RABGAP1L: variants seen among roughly 807,000 people sequenced by gnomAD.
RABGAP1L encodes rab GTPase-activating protein 1-like.
Under a neutral mutation model 137.7 loss-of-function variants are expected in RABGAP1L, and 63 were observed. The ratio of observed to expected loss-of-function variants is 0.46; its 90% CI spans 0.37 to 0.56. RABGAP1L has a LOEUF of 0.56. RABGAP1L is among the 20% of genes least tolerant of loss of function. The pLI is 0.00. For missense variants in RABGAP1L, 1,095 were observed against 1,244.0 expected (o/e 0.88, Z 1.80); for synonymous variants, 431 against 433.7 (o/e 0.99, Z 0.08).
At chr1:174,234,418 T>C (rs1670969424) in intron 4 of RABGAP1L, among the ~76,000 whole-genome samples, 2 of 140,542 alleles carry the variant, frequency 1.4e-5, no homozygotes, top group Non-Finnish European at 3.0e-5. Flanking sequence ...TTTAAATCTT[T>C]AATCCATCTT....
At chr1:174,670,928 A>C (rs1045751506) in intron 14 of RABGAP1L, among the ~76,000 whole-genome samples, 2 of 152,158 alleles carry the variant, frequency 1.3e-5, no homozygotes, top group Admixed American at 1.3e-4. Context: ...TTGCTGGATC[A>C]TATGGTAGTT....
Position 174,305,124 on chromosome 1 carries a change from G to C in RABGAP1L, c.1462G>C (p.Glu488Gln), listed in dbSNP as rs1558116744. 4 of 1,530,434 alleles carry C rather than the reference G, an allele frequency of 2.6e-6. No homozygotes were observed. In the South Asian group the frequency reaches 5.3e-5, roughly 20 times the overall value. 94.8% of individuals were successfully genotyped at this position (1,530,434 alleles called of 1,614,324 possible). Residue 488 changes from glutamate (E) to glutamine (Q), a missense_variant, in exon 11 of 26, where the codon GAG becomes CAG. Transcript: ENST00000681986. ...GTCACCCCAGGATGATGAAGCAGAA[G>C]AGGGTAAGAAGTTGGACTTACTCAG... ...PMSPQDDEAE[E>Q]ESDNELSSGT...
At chr1:174,774,821 A>G (rs1190755416) in intron 18 of RABGAP1L, among the ~76,000 whole-genome samples, 1 of 152,168 alleles carries the variant, frequency 6.6e-6, no homozygotes, top group East Asian at 1.9e-4. Context: ...TTGAGGCTGC[A>G]GTGAGCCATG....
intron 20 of RABGAP1L, among the ~76,000 whole-genome samples, chr1:174,961,845 CAAAAAAAAAAAAAA>C (rs61233451): frequency 1.1e-5 from 1 of 88,730 alleles, no homozygotes; most frequent in Non-Finnish European, 2.3e-5. Flanking sequence ...GACTCTGTCT[CAAAAAAAAAAAAAA>C]AAAAAAAAAA....
chr1:174,604,007 T>C (rs1421977048), intron 13 of RABGAP1L, among the ~76,000 whole-genome samples: 2 of 151,796 alleles, frequency 1.3e-5, no homozygotes, highest in Non-Finnish European at 1.5e-5. Context: ...CTGTGCTGCC[T>C]TGTGTTGGCG....
chr1:174,175,422 T>G (rs1370865275), intron 1 of RABGAP1L, among the ~76,000 whole-genome samples: 4 of 152,150 alleles, frequency 2.6e-5, no homozygotes, highest in Non-Finnish European at 4.4e-5. Flanking sequence ...GTTTTCCTCT[T>G]TGTTGTCATA....
chr1:174,616,229 G>T (rs553043665), intron 13 of RABGAP1L, among the ~76,000 whole-genome samples: 1 of 152,080 alleles, frequency 6.6e-6, no homozygotes. Flanking sequence ...GGTGCCCCCC[G>T]TTGGTATGCG....
chr1:174,718,911 C>A (rs1342226506), intron 17 of RABGAP1L, among the ~76,000 whole-genome samples: 1 of 148,266 alleles, frequency 6.7e-6, no homozygotes, highest in African/African-American at 2.5e-5. Flanking sequence ...GCCATCTCGG[C>A]TCACCACAAC....
chr1:174,897,405 C>T (rs981191257), intron 19 of RABGAP1L: 8 of 152,138 alleles, frequency 5.3e-5, no homozygotes, highest in Non-Finnish European at 1.0e-4. Flanking sequence ...GTGTGAAAAT[C>T]GTATGAAATC....
At chr1:174,252,679 A>G (rs1215773502) in intron 7 of RABGAP1L, 89 bp downstream of exon 7, 7 of 1,500,170 alleles carry the variant, frequency 4.7e-6, no homozygotes, top group African/African-American at 1.5e-5. Context: ...TTTTCACTAT[A>G]CTTCATTTTC....
intron 13 of RABGAP1L, among the ~76,000 whole-genome samples, chr1:174,464,561 G>A (rs1200451613): frequency 6.6e-6 from 1 of 151,332 alleles, no homozygotes; most frequent in Non-Finnish European, 1.5e-5. Context: ...CTCTTTTTTT[G>A]TTGTTGTTTT....
intron 13 of RABGAP1L, among the ~76,000 whole-genome samples, chr1:174,599,259 A>T (rs1011979368): frequency 6.6e-6 from 1 of 152,206 alleles, no homozygotes; most frequent in Non-Finnish European, 1.5e-5. Flanking sequence ...CCCACTTTTT[A>T]ACTTCTTGTT....
chr1:174,770,817 C>G (rs1686059558), intron 18 of RABGAP1L, among the ~76,000 whole-genome samples: 1 of 152,084 alleles, frequency 6.6e-6, no homozygotes, highest in South Asian at 2.1e-4. Flanking sequence ...TTTGGAGAAG[C>G]CTGTGATGGT....
chr1:174,273,357 T>C (rs1674712890), intron 8 of RABGAP1L, among the ~76,000 whole-genome samples: 1 of 152,044 alleles, frequency 6.6e-6, no homozygotes, highest in Non-Finnish European at 1.5e-5. Context: ...GATGAGGTTA[T>C]GCATATGAGT....
intron 24 of RABGAP1L, among the ~76,000 whole-genome samples, chr1:174,983,945 A>C (rs1182875027): frequency 6.6e-6 from 1 of 151,498 alleles, no homozygotes. Flanking sequence ...TCTAGTTAGC[A>C]CTTACCACTC....
intron 17 of RABGAP1L, among the ~76,000 whole-genome samples, chr1:174,732,738 A>G (rs1427973472): frequency 8.5e-5 from 13 of 152,186 alleles, no homozygotes; most frequent in Non-Finnish European, 2.9e-5. Flanking sequence ...ACACTAGAAC[A>G]GGAGGGATAT....
At chr1:174,851,925 G>A (rs965337942) in intron 19 of RABGAP1L, among the ~76,000 whole-genome samples, 8 of 152,076 alleles carry the variant, frequency 5.3e-5, no homozygotes, top group Non-Finnish European at 1.0e-4. Flanking sequence ...ATATGATAGT[G>A]CAATCAAGTA....
intron 13 of RABGAP1L, among the ~76,000 whole-genome samples, chr1:174,611,780 T>G (rs1671275756): frequency 6.6e-6 from 1 of 152,226 alleles, no homozygotes; most frequent in Non-Finnish European, 1.5e-5. Flanking sequence ...ACGTCCCTTT[T>G]AAGTTGGATT....
At chr1:174,171,248 G>A (rs996806201) in intron 1 of RABGAP1L, among the ~76,000 whole-genome samples, 7 of 152,100 alleles carry the variant, frequency 4.6e-5, no homozygotes, top group Non-Finnish European at 8.8e-5. Context: ...ATGCCCAAAA[G>A]AGCTTTTTAA....
Sources: gnomAD v4.1 joint callset for allele counts (sites outside exome capture counted in the v4.1 genomes callset) on GRCh38, gnomAD v4.1.1 for gene constraint, MANE v1.5 for transcripts, NCBI Gene and HGNC (gene_info 2026-07-23, HGNC 2026-07-21) for gene names.